Variants in SEMA5A observed in about 807,000 individuals in gnomAD.
SEMA5A encodes semaphorin-5A.
In SEMA5A, 55 loss-of-function variants were observed where a neutral mutation model predicts 135.5. The ratio of observed to expected loss-of-function variants is 0.41; its 90% CI spans 0.33 to 0.51. SEMA5A has a LOEUF of 0.51. SEMA5A is among the 20% of genes least tolerant of loss of function. The probability of loss-of-function intolerance (pLI) is 0.37; values close to 1 mark genes in which losing one functional copy is unlikely to be tolerated. For synonymous variants in SEMA5A, 580 were observed against 546.5 expected, an observed-to-expected ratio of 1.06 and a Z score of -0.85; for missense variants, 1,290 against 1,419.9, an observed-to-expected ratio of 0.91 and a Z score of 1.47.
At chr5:9,441,077 A>T (rs1315327225) in intron 1 of SEMA5A, among the ~76,000 whole-genome samples, 1 of 152,218 alleles carries the variant, frequency 6.6e-6, no homozygotes, top group African/African-American at 2.4e-5. Flanking sequence ...CAGGCCTCTC[A>T]TCATCAGTCC....
intron 2 of SEMA5A, among the ~76,000 whole-genome samples, chr5:9,429,954 A>G (rs1490154587): frequency 2.0e-5 from 3 of 152,218 alleles, no homozygotes; most frequent in Non-Finnish European, 4.4e-5. Flanking sequence ...TGTGGAGAAA[A>G]GACCACGGAG....
At chr5:9,327,486 C>T (rs1395014940) in intron 4 of SEMA5A, among the ~76,000 whole-genome samples, 1 of 152,032 alleles carries the variant, frequency 6.6e-6, no homozygotes, top group Admixed American at 6.6e-5. Flanking sequence ...AAAGAACACA[C>T]TAAAACTGAG....
At chr5:9,077,434 A>G (rs1738129032) in intron 16 of SEMA5A, among the ~76,000 whole-genome samples, 1 of 152,222 alleles carries the variant, frequency 6.6e-6, no homozygotes, top group Non-Finnish European at 1.5e-5. Context: ...ATAGAATCAC[A>G]ATAAAATGCA....
At chr5:9,477,932 C>A (rs144901275) in intron 1 of SEMA5A, among the ~76,000 whole-genome samples, 7 of 152,320 alleles carry the variant, frequency 4.6e-5, no homozygotes, top group Admixed American at 1.3e-4. Flanking sequence ...ATCTACATGG[C>A]AGGCCCTCCT....
intron 11 of SEMA5A, among the ~76,000 whole-genome samples, chr5:9,185,777 T>C (rs1465480439): frequency 3.9e-5 from 6 of 152,196 alleles, no homozygotes; most frequent in African/African-American, 9.6e-5. Context: ...AAAAATGATA[T>C]ATCTCATCCT....
intron 21 of SEMA5A, among the ~76,000 whole-genome samples, chr5:9,049,495 G>A (rs1736452634): frequency 6.6e-6 from 1 of 152,168 alleles, no homozygotes; most frequent in African/African-American, 2.4e-5. Flanking sequence ...AGTTAATAAT[G>A]GTAGTTAGGA....
intron 16 of SEMA5A, among the ~76,000 whole-genome samples, chr5:9,084,251 A>G (rs923715290): frequency 1.3e-5 from 2 of 152,210 alleles, no homozygotes; most frequent in Admixed American, 1.3e-4. Context: ...AAAAGACTAG[A>G]GTATGATGGT....
chr5:9,319,953 G>A (rs1752554072), intron 4 of SEMA5A, among the ~76,000 whole-genome samples: 1 of 152,112 alleles, frequency 6.6e-6, no homozygotes, highest in African/African-American at 2.4e-5. Flanking sequence ...GTTATGGACA[G>A]AGTTAGGGAG....
At chr5:9,329,716 G>C (rs991050159) in intron 4 of SEMA5A, among the ~76,000 whole-genome samples, 2 of 152,146 alleles carry the variant, frequency 1.3e-5, no homozygotes, top group African/African-American at 4.8e-5. Context: ...CATGGGATCT[G>C]GGAAATAGGA....
Position 9,235,591 on chromosome 5 carries a change from G to T in SEMA5A, c.333+2237C>A, listed in dbSNP as rs546893690. On this transcript the variant is annotated intron_variant, in intron 6 of 22. Transcript: ENST00000382496. ...AAGATCGGACGAGGAAATAGCACTG[G>T]GACCTGGGAGAGGGAAGGAGGGTGG... 7.2e-4 allele frequency among the ~76,000 whole-genome samples: 108 copies of T among 150,336 alleles called. 1 individual carries two copies. The highest frequency in any genetic ancestry group is 8.7e-4 in the Non-Finnish European group (59 of 67,890).
At chr5:9,110,142 C>T (rs1740161713) in intron 15 of SEMA5A, among the ~76,000 whole-genome samples, 1 of 152,220 alleles carries the variant, frequency 6.6e-6, no homozygotes, top group Admixed American at 6.5e-5. Context: ...AAGAACAAAA[C>T]ATAAAAAGGC....
intron 2 of SEMA5A, 132 bp downstream of exon 2, chr5:9,437,624 T>C (rs2126671798): frequency 6.6e-6 from 1 of 152,344 alleles, no homozygotes; most frequent in South Asian, 2.1e-4. Flanking sequence ...AATGCTGGGA[T>C]TACAGGTGTG....
chr5:9,219,177 T>G (rs1579639948), intron 8 of SEMA5A, among the ~76,000 whole-genome samples: 1 of 152,334 alleles, frequency 6.6e-6, no homozygotes, highest in Non-Finnish European at 1.5e-5. Context: ...TTACTGGCTA[T>G]TCTGTGGAGA....
intron 2 of SEMA5A, among the ~76,000 whole-genome samples, chr5:9,397,287 T>C (rs965461954): frequency 3.3e-5 from 5 of 152,228 alleles, no homozygotes; most frequent in Admixed American, 2.0e-4. Flanking sequence ...CATATTGAAA[T>C]ATAAACATAC....
intron 16 of SEMA5A, among the ~76,000 whole-genome samples, chr5:9,084,064 C>CT (rs1738544252): frequency 1.3e-5 from 2 of 152,210 alleles, no homozygotes; most frequent in South Asian, 2.1e-4. Flanking sequence ...ATCTTAGCCC[C>CT]TTTAATAAAA....
At chr5:9,333,995 T>G (rs1373325666) in intron 4 of SEMA5A, among the ~76,000 whole-genome samples, 1 of 152,140 alleles carries the variant, frequency 6.6e-6, no homozygotes, top group Non-Finnish European at 1.5e-5. Flanking sequence ...TGAAAATGTA[T>G]GACTTCTTCC....
chr5:9,173,625 C>T (rs1375345561), intron 11 of SEMA5A, among the ~76,000 whole-genome samples: 1 of 152,092 alleles, frequency 6.6e-6, no homozygotes, highest in Non-Finnish European at 1.5e-5. Flanking sequence ...GACCTAATCA[C>T]CTCCTAAAGG....
intron 14 of SEMA5A, among the ~76,000 whole-genome samples, chr5:9,121,609 C>T (rs1740816337): frequency 6.6e-6 from 1 of 152,118 alleles, no homozygotes; most frequent in Non-Finnish European, 1.5e-5. Context: ...AAGTTTTACC[C>T]AGGCATCTGT....
chr5:9,339,126 C>T (rs1284334273), intron 3 of SEMA5A, among the ~76,000 whole-genome samples: 1 of 152,116 alleles, frequency 6.6e-6, no homozygotes, highest in Non-Finnish European at 1.5e-5. Context: ...AAGGTATGTA[C>T]AAGGCAATGG....
Sources: gnomAD v4.1 joint callset for allele counts (sites outside exome capture counted in the v4.1 genomes callset) on GRCh38, gnomAD v4.1.1 for gene constraint, MANE v1.5 for transcripts, NCBI Gene and HGNC (gene_info 2026-07-23, HGNC 2026-07-21) for gene names.